IL2RB: variants seen among roughly 807,000 people sequenced by gnomAD.
IL2RB encodes interleukin-2 receptor subunit beta.
A neutral mutation model predicts 44.2 loss-of-function variants in IL2RB; 17 were observed. That is an observed-to-expected ratio of 0.38 (90% CI 0.26 to 0.58). IL2RB has a LOEUF of 0.58. Ranked by LOEUF, IL2RB falls within the 20% of genes least tolerant of loss-of-function variation. The pLI, the probability that IL2RB is intolerant of heterozygous loss-of-function variation, is 0.63. For missense variants in IL2RB, 624 were observed against 685.5 expected, an observed-to-expected ratio of 0.91 and a Z score of 1.00; for synonymous variants, 286 against 297.9, an observed-to-expected ratio of 0.96 and a Z score of 0.41.
intron 3 of IL2RB, among the ~76,000 whole-genome samples, 166 bp downstream of exon 3, chr22:37,143,355 G>A (rs941905951): frequency 1.3e-5 from 2 of 152,100 alleles, no homozygotes; most frequent in African/African-American, 2.4e-5. Context: ...TCTCTTAAAC[G>A]ATCCCTTGAT....
chr22:37,146,390 C>A lies in IL2RB; in HGVS notation c.-33-2185G>T, dbSNP rs115746486. Among the ~76,000 whole-genome samples, 1,027 of 152,264 alleles carry A rather than the reference C, an allele frequency of 6.7e-3. 14 individuals are homozygous for A. Among genetic ancestry groups the A allele is most frequent in the African/African-American group, 0.023 (963 of 41,538 alleles). ...AATGAGGTCAGCCCACCCTTCCAGA[C>A]CCTGCCCTCACAGGAGCAGGTGCAT... On this transcript the variant is annotated intron_variant, in intron 1 of 9. Transcript: ENST00000216223.
Position 37,127,960 on chromosome 22 carries a change from G to A in IL2RB, c.*136C>T. ...GGACCAAGTGTGCAGGACTGGGTGG[G>A]GGCCATCCGGGTGGAGAAGTCCAGC... On this transcript the variant is annotated 3_prime_UTR_variant, in exon 10 of 10. Transcript: ENST00000216223. The A allele has an allele frequency of 1.6e-6, 1 of 641,928 alleles. No individual in the cohort carries two copies. Among genetic ancestry groups the A allele is most frequent in the South Asian group, 4.2e-5 (1 of 23,744 alleles). The allele number at this position is 641,928 out of a possible 1,614,324, so 39.8% of individuals were successfully genotyped here. A position where few individuals can be genotyped will look rare whatever the true frequency, so the allele number is the denominator to read the frequency against.
At chr22:37,145,597 T>C (rs1305257394) in intron 1 of IL2RB, among the ~76,000 whole-genome samples, 1 of 151,542 alleles carries the variant, frequency 6.6e-6, no homozygotes, top group African/African-American at 2.4e-5. Flanking sequence ...AGTGAGCACA[T>C]GGTCACTTCG....
chr22:37,140,489 A>G (rs1921910772), intron 4 of IL2RB, among the ~76,000 whole-genome samples: 1 of 152,092 alleles, frequency 6.6e-6, no homozygotes, highest in African/African-American at 2.4e-5. Flanking sequence ...AGGAGACTGA[A>G]GCACAGAGAG....
At chr22:37,165,055 C>G (rs1447651781) in intron 1 of IL2RB, among the ~76,000 whole-genome samples, 2 of 152,206 alleles carry the variant, frequency 1.3e-5, no homozygotes, top group Non-Finnish European at 2.9e-5. Flanking sequence ...CCGCATGTTA[C>G]CTCAGTGAAT....
At chr22:37,137,295 C>T (rs1267754806) in intron 6 of IL2RB, among the ~76,000 whole-genome samples, 1 of 152,262 alleles carries the variant, frequency 6.6e-6, no homozygotes. Flanking sequence ...GTTGGCTTCC[C>T]TGGCCTCTGA....
In IL2RB at chr22:37,141,492, C is replaced by A. The variant is rs373633765; in HGVS notation, c.282+942G>T. Among the ~76,000 whole-genome samples, 84 of 152,060 alleles carry A rather than the reference C, an allele frequency of 5.5e-4. 1 individual carries two copies. In the South Asian group the frequency reaches 0.017, roughly 32 times the overall value. ...CGCACTCTGTGGATCCAGTGTGAGT[C>A]GGGGACAAGCGGGACCCCTGCCCCT... On this transcript the variant is annotated intron_variant, in intron 4 of 9. Coordinates refer to ENST00000216223, the MANE Select transcript of IL2RB (RefSeq NM_000878.5). The surrounding 1 kb of genome is among the most constrained non-coding windows in gnomAD (Gnocchi z 4.4).
At chr22:37,174,782 C>T (rs890769514) in intron 1 of IL2RB, among the ~76,000 whole-genome samples, 11 of 152,306 alleles carry the variant, frequency 7.2e-5, no homozygotes, top group African/African-American at 2.2e-4. Flanking sequence ...TGGGACCTGG[C>T]GGGTGATACC....
At chr22:37,163,537 C>G (rs1220322304) in intron 1 of IL2RB, among the ~76,000 whole-genome samples, 4 of 152,190 alleles carry the variant, frequency 2.6e-5, no homozygotes, top group Admixed American at 2.6e-4. Context: ...TGGATGATCC[C>G]AGAAGCTCTT....
At chr22:37,133,968 C>A (rs1921560707) in intron 8 of IL2RB, among the ~76,000 whole-genome samples, 1 of 152,140 alleles carries the variant, frequency 6.6e-6, no homozygotes, top group Non-Finnish European at 1.5e-5. Flanking sequence ...CATGGGCTCC[C>A]ACTACAGATT....
At chr22:37,144,602 G>A (rs912285439) in intron 1 of IL2RB, among the ~76,000 whole-genome samples, 8 of 152,062 alleles carry the variant, frequency 5.3e-5, no homozygotes, top group East Asian at 1.9e-4. Flanking sequence ...AAAATTAGCC[G>A]GGCAAGGTGG....
chr22:37,157,645 A>G (rs540220323), intron 1 of IL2RB, among the ~76,000 whole-genome samples: 1 of 152,234 alleles, frequency 6.6e-6, no homozygotes, highest in Admixed American at 6.5e-5. Flanking sequence ...ACTCAGACTA[A>G]TCAGCTCCCC....
At chr22:37,164,926 A>C (rs750225918) in intron 1 of IL2RB, among the ~76,000 whole-genome samples, 13 of 152,158 alleles carry the variant, frequency 8.5e-5, no homozygotes, top group Non-Finnish European at 1.3e-4. Context: ...GAGCATCAGC[A>C]TTCCCTGAGA....
chr22:37,167,565 A>G (rs1005313361), intron 1 of IL2RB, among the ~76,000 whole-genome samples: 2 of 152,012 alleles, frequency 1.3e-5, no homozygotes, highest in Non-Finnish European at 2.9e-5. Flanking sequence ...GAAGTCTCCA[A>G]GCTCTTCCCT....
Position 37,135,401 on chromosome 22 carries a change from C to G in IL2RB, c.745G>C (p.Val249Leu), listed in dbSNP as rs147866253. The stretch of plus-strand genomic sequence containing the variant: ...AAGCCAAAAGCCCCGCTGAGGCCCA[C>G]GAGGAGGTGGCCGAGCCACGGAATG... ...DTIPWLGHLL[V>L]GLSGAFGFII... The change falls in exon 8 of 10, where the codon GTG (valine) becomes CTG (leucine). Residue 249 changes from valine (V) to leucine (L), a missense_variant. Physicochemically the swap from Val to Leu is conservative, Grantham distance 32 (BLOSUM62 1). Coordinates refer to ENST00000216223, the MANE Select transcript of IL2RB (RefSeq NM_000878.5). 7 of 1,613,828 alleles carry G rather than the reference C, an allele frequency of 4.3e-6. No individual in the cohort carries two copies. In the Middle Eastern group the frequency reaches 5.0e-4, roughly 114 times the overall value.
intron 8 of IL2RB, among the ~76,000 whole-genome samples, chr22:37,134,890 C>T (rs982079122): frequency 6.6e-6 from 1 of 152,190 alleles, no homozygotes; most frequent in Non-Finnish European, 1.5e-5. Context: ...GCATGCAGCT[C>T]GTACTCAGTG....
At position 37,143,571 on chromosome 22, in the gene IL2RB, A is replaced by G. The variant is rs751954007; in HGVS notation, c.153T>C (p.Asp51=). The G allele has an allele frequency of 3.1e-6, 5 of 1,614,044 alleles. No homozygotes were observed. Among genetic ancestry groups the G allele is most frequent in the Non-Finnish European group, 4.2e-6 (5 of 1,179,972 alleles). ...GGCAGGAAGTGTCCTGCAGAGCCCC[A>G]TCTTGGCTCCAGACACAGGAGATGT... ...RANISCVWSQ[D]GALQDTSCQV... The change falls in exon 3 of 10, where the codon GAT becomes GAC. Residue 51 remains aspartate (D), a synonymous_variant. Transcript: ENST00000216223.
At chr22:37,162,637 C>T (rs2145737692) in intron 1 of IL2RB, among the ~76,000 whole-genome samples, 1 of 152,302 alleles carries the variant, frequency 6.6e-6, no homozygotes, top group Admixed American at 6.5e-5. Flanking sequence ...ACTGTGAAGC[C>T]TCTACCACAC....
rs991495868 is a variant in IL2RB at position 37,141,699 on chromosome 22, C to T, written c.282+735G>A. 3.9e-5 allele frequency among the ~76,000 whole-genome samples: 6 copies of T among 152,200 alleles called. No homozygotes were observed. Among genetic ancestry groups the T allele is most frequent in the Admixed American group, 6.5e-5 (1 of 15,280 alleles). ...AGGCACTACCACAGCCTGGCACGCT[C>T]GAGGCAGCACTGACTCACTGGCCCC... On this transcript the variant is annotated intron_variant, in intron 4 of 9. Transcript: ENST00000216223. This position sits in a 1 kb window ranked among gnomAD's most constrained non-coding sequence, Gnocchi z 4.4.
Sources: allele counts gnomAD v4.1 joint callset (sites outside exome capture counted in the v4.1 genomes callset), GRCh38; gene constraint gnomAD v4.1.1; non-coding constraint Gnocchi (gnomAD v3.1); transcripts MANE v1.5; gene names NCBI Gene and HGNC (gene_info 2026-07-23, HGNC 2026-07-21).